The following NEDD4 variants were observed in gnomAD, a reference collection of about 807,000 sequenced individuals.
The protein encoded by NEDD4 is NEDD4 E3 ubiquitin protein ligase.
In NEDD4, 99 loss-of-function variants were observed where a neutral mutation model predicts 144.9. The ratio of observed to expected loss-of-function variants is 0.68; its 90% CI spans 0.58 to 0.81. The LOEUF is 0.81. Among genes scored for constraint, NEDD4 ranks in the 30% least tolerant of loss-of-function variants. NEDD4 has a pLI of 0.00. For missense variants in NEDD4, 985 were observed against 1,065.9 expected, an observed-to-expected ratio of 0.92 and a Z score of 1.06; for synonymous variants, 318 against 350.6, an observed-to-expected ratio of 0.91 and a Z score of 1.04.
chr15:55,989,529 G>A (rs935904850), intron 1 of NEDD4, among the ~76,000 whole-genome samples: 2 of 152,172 alleles, frequency 1.3e-5, no homozygotes, highest in Non-Finnish European at 2.9e-5. Flanking sequence ...AGAAGTATCA[G>A]AATATGCCCT....
At chr15:55,991,438 G>A (rs1344688138) in intron 1 of NEDD4, among the ~76,000 whole-genome samples, 2 of 152,220 alleles carry the variant, frequency 1.3e-5, no homozygotes, top group Admixed American at 1.3e-4. Context: ...CCGAGGCTGA[G>A]ACTGTCTTTT....
chr15:55,860,273 G>A, intron 11 of NEDD4, 134 bp downstream of exon 11: 2 of 840,954 alleles, frequency 2.4e-6, no homozygotes, highest in African/African-American at 1.7e-5. Context: ...ATGTTGTAAA[G>A]TCCCAAGGTC....
intron 8 of NEDD4, among the ~76,000 whole-genome samples, chr15:55,866,214 TTTC>T (rs1566920284): frequency 1.3e-5 from 2 of 150,568 alleles, no homozygotes; most frequent in African/African-American, 2.4e-5. Context: ...GTGCCCAACC[TTTC>T]TTCTTTTTTT....
intron 5 of NEDD4, among the ~76,000 whole-genome samples, chr15:55,912,454 AAG>A (rs1274892490): frequency 6.6e-6 from 1 of 152,134 alleles, no homozygotes; most frequent in African/African-American, 2.4e-5. Context: ...TTATAACAAA[AAG>A]AAAAAATGTA....
chr15:55,939,079 C>T (rs2036946170), intron 4 of NEDD4, among the ~76,000 whole-genome samples: 1 of 151,546 alleles, frequency 6.6e-6, no homozygotes, highest in African/African-American at 2.4e-5. Context: ...GCGCTCCAAC[C>T]TGGATAATAG....
intron 5 of NEDD4, among the ~76,000 whole-genome samples, chr15:55,906,078 T>C (rs1256479613): frequency 6.6e-6 from 1 of 152,004 alleles, no homozygotes; most frequent in Non-Finnish European, 1.5e-5. Context: ...AAAACCACAA[T>C]GAGATACCAT....
At chr15:55,985,279 C>T (rs1485510260) in intron 1 of NEDD4, among the ~76,000 whole-genome samples, 5 of 152,380 alleles carry the variant, frequency 3.3e-5, no homozygotes, top group African/African-American at 9.6e-5. Context: ...CAGGCCACTA[C>T]AGAAAATGTC....
chr15:55,830,127 G>A, intron 28 of NEDD4, 128 bp from the exon 29 acceptor site: 1 of 684,594 alleles, frequency 1.5e-6, no homozygotes, highest in Non-Finnish European at 2.5e-6. Flanking sequence ...TTTTCACCAG[G>A]GGTAGAAGTA....
intron 5 of NEDD4, among the ~76,000 whole-genome samples, chr15:55,898,406 A>T (rs2035804947): frequency 1.3e-5 from 2 of 152,234 alleles, no homozygotes; most frequent in Non-Finnish European, 2.9e-5. Context: ...TTAACAACTC[A>T]GGATTTATGA....
chr15:55,923,636 A>C, intron 5 of NEDD4, among the ~76,000 whole-genome samples: 2 of 122,522 alleles, frequency 1.6e-5, no homozygotes, highest in African/African-American at 3.0e-5. Context: ...ACAAAGCGAG[A>C]CTCCATCTCA....
intron 4 of NEDD4, among the ~76,000 whole-genome samples, chr15:55,939,167 T>A (rs1343629571): frequency 6.6e-6 from 1 of 152,126 alleles, no homozygotes; most frequent in Non-Finnish European, 1.5e-5. Flanking sequence ...TTTGGCTCTG[T>A]TGCCCACCCA....
chr15:55,899,348 G>C (rs2035838482), intron 5 of NEDD4, among the ~76,000 whole-genome samples: 1 of 152,124 alleles, frequency 6.6e-6, no homozygotes, highest in African/African-American at 2.4e-5. Context: ...CTTACAATTT[G>C]ATTACCTGGT....
intron 5 of NEDD4, among the ~76,000 whole-genome samples, chr15:55,914,660 G>C (rs2036378950): frequency 6.6e-6 from 1 of 151,774 alleles, no homozygotes; most frequent in African/African-American, 2.4e-5. Flanking sequence ...GTGGTTAAGG[G>C]TATATACAAA....
At chr15:55,892,913 A>G in intron 5 of NEDD4, among the ~76,000 whole-genome samples, 1 of 152,198 alleles carries the variant, frequency 6.6e-6, no homozygotes, top group East Asian at 1.9e-4. Context: ...TAGATTGTCA[A>G]TCTAAATTCA....
At chr15:55,887,472 T>C (rs987973402) in intron 5 of NEDD4, among the ~76,000 whole-genome samples, 2 of 152,128 alleles carry the variant, frequency 1.3e-5, no homozygotes, top group Non-Finnish European at 2.9e-5. Flanking sequence ...CAATAACAAG[T>C]AATGAGATTG....
At chr15:55,966,806 T>C (rs1434161153) in intron 1 of NEDD4, among the ~76,000 whole-genome samples, 1 of 152,188 alleles carries the variant, frequency 6.6e-6, no homozygotes, top group Non-Finnish European at 1.5e-5. Context: ...CTCAAGAAAA[T>C]CTAAAGCCAA....
chr15:55,867,636 A>G (rs1167823963), intron 8 of NEDD4, among the ~76,000 whole-genome samples: 1 of 152,244 alleles, frequency 6.6e-6, no homozygotes, highest in African/African-American at 2.4e-5. Flanking sequence ...TGAATACTTG[A>G]AAACTTTAAA....
intron 17 of NEDD4, 56 bp from the exon 18 acceptor site, chr15:55,847,090 C>A: frequency 8.5e-7 from 1 of 1,178,616 alleles, no homozygotes; most frequent in Non-Finnish European, 1.2e-6. Context: ...TATTCTGGAA[C>A]AATTTTTATT....
chr15:55,979,622 G>T (rs2037766674), intron 1 of NEDD4, among the ~76,000 whole-genome samples: 1 of 151,668 alleles, frequency 6.6e-6, no homozygotes, highest in Non-Finnish European at 1.5e-5. Flanking sequence ...CAAAGTGCTG[G>T]GATTACAGGC....
Sources: allele counts gnomAD v4.1 joint callset (sites outside exome capture counted in the v4.1 genomes callset), GRCh38; gene constraint gnomAD v4.1.1; transcripts MANE v1.5; gene names NCBI Gene and HGNC (gene_info 2026-07-23, HGNC 2026-07-21).